The following LRP1B variants were observed in gnomAD, a reference collection of about 807,000 sequenced individuals.
LRP1B encodes low-density lipoprotein receptor-related protein 1B.
Under a neutral mutation model 556.6 loss-of-function variants are expected in LRP1B, and 217 were observed. The observed-to-expected ratio is 0.39, with a 90% CI of 0.35 to 0.44. The LOEUF (loss-of-function observed/expected upper bound fraction) is 0.44, where lower values mean the gene tolerates loss of function less well. LRP1B is among the 20% of genes least tolerant of loss of function. The pLI is 1.00. For synonymous variants in LRP1B, 2,047 were observed against 1,865.8 expected (o/e 1.10, Z -2.50); for missense variants, 5,053 against 5,620.8 (o/e 0.90, Z 3.23).
intron 11 of LRP1B, among the ~76,000 whole-genome samples, chr2:141,045,880 C>G (rs1698854460): frequency 6.6e-6 from 1 of 151,974 alleles, no homozygotes; most frequent in East Asian, 1.9e-4. Context: ...TAGTAAATAT[C>G]TCGTCTTTAT....
intron 77 of LRP1B, among the ~76,000 whole-genome samples, chr2:140,339,079 A>AG (rs1184901023): frequency 6.6e-6 from 1 of 151,782 alleles, no homozygotes; most frequent in Non-Finnish European, 1.5e-5. Flanking sequence ...CTAAATACAC[A>AG]GCCAGTTTTG....
At chr2:141,454,576 T>G (rs1411883901) in intron 3 of LRP1B, among the ~76,000 whole-genome samples, 1 of 152,152 alleles carries the variant, frequency 6.6e-6, no homozygotes, top group Non-Finnish European at 1.5e-5. Flanking sequence ...TGAAACATCA[T>G]TAATATTTAA....
intron 23 of LRP1B, chr2:140,898,686 A>C (rs1384267343): frequency 2.1e-6 from 1 of 469,228 alleles, no homozygotes; most frequent in Admixed American, 2.4e-5. Context: ...AATTCTAGAG[A>C]TGCTACGCCT....
At chr2:140,418,794 A>G (rs1054071944) in intron 66 of LRP1B, among the ~76,000 whole-genome samples, 2 of 152,114 alleles carry the variant, frequency 1.3e-5, no homozygotes, top group African/African-American at 4.8e-5. Flanking sequence ...AAGTGCACGA[A>G]AAATGTAATG....
chr2:140,558,771 CA>C (rs1163556045), intron 43 of LRP1B, among the ~76,000 whole-genome samples: 1 of 151,324 alleles, frequency 6.6e-6, no homozygotes, highest in Non-Finnish European at 1.5e-5. Context: ...ACAACCTCTA[CA>C]AAAAATACAA....
chr2:142,009,153 C>T (rs1239127898), intron 1 of LRP1B, among the ~76,000 whole-genome samples: 1 of 152,126 alleles, frequency 6.6e-6, no homozygotes, highest in Non-Finnish European at 1.5e-5. Flanking sequence ...GGGTATTTTC[C>T]TCAGCATCTC....
chr2:141,402,588 A>T (rs1424934529), intron 3 of LRP1B, among the ~76,000 whole-genome samples: 6 of 152,154 alleles, frequency 3.9e-5, no homozygotes, highest in African/African-American at 1.4e-4. Flanking sequence ...CTAAAAACAA[A>T]TGAAGACCAA....
chr2:141,204,913 G>C (rs530319946), intron 6 of LRP1B, among the ~76,000 whole-genome samples: 1 of 151,828 alleles, frequency 6.6e-6, no homozygotes, highest in African/African-American at 2.4e-5. Flanking sequence ...CCCTAGCCTG[G>C]GTGACAGAGC....
intron 7 of LRP1B, among the ~76,000 whole-genome samples, chr2:141,140,101 T>C (rs1701606259): frequency 6.6e-6 from 1 of 151,930 alleles, no homozygotes; most frequent in Non-Finnish European, 1.5e-5. Context: ...GAGTGTGTGC[T>C]GTATAATTCC....
chr2:140,511,454 T>A (rs141164173), intron 51 of LRP1B, among the ~76,000 whole-genome samples: 262 of 151,894 alleles, frequency 1.7e-3, no homozygotes, highest in Non-Finnish European at 3.0e-3. Flanking sequence ...GGCGCCCGCC[T>A]CCACGCCCGG....
intron 2 of LRP1B, among the ~76,000 whole-genome samples, chr2:141,808,409 C>T (rs1412458932): frequency 1.3e-5 from 2 of 152,010 alleles, no homozygotes; most frequent in Non-Finnish European, 2.9e-5. Flanking sequence ...TTCTAGATAC[C>T]ACTTGAAAAG....
In LRP1B at chr2:141,810,175, AAGAAAGAAAGAATCATCT is replaced by A; in HGVS notation, c.205+86_205+103del. On this transcript the variant is annotated intron_variant, in intron 2 of 90. Coordinates refer to ENST00000389484, the MANE Select transcript of LRP1B (RefSeq NM_018557.3). ...AAAGAAAGAAAGAAAGAAGGAAAGA[AAGAAAGAAAGAATCATCT>A]AGAACAGCAGTCATCTGTGAAAACA... 5 of 911,402 alleles carry A rather than the reference AAGAAAGAAAGAATCATCT, an allele frequency of 5.5e-6. No individual in the cohort carries two copies. In the South Asian group the frequency reaches 9.0e-5, roughly 16 times the overall value. 56.5% of individuals were successfully genotyped at this position (911,402 alleles called of 1,614,324 possible).
At chr2:141,245,661 T>C (rs1042057561) in intron 5 of LRP1B, among the ~76,000 whole-genome samples, 1 of 152,216 alleles carries the variant, frequency 6.6e-6, no homozygotes, top group African/African-American at 2.4e-5. Context: ...ATTATCTTAT[T>C]GTGACTAGTG....
At chr2:140,852,386 C>T (rs1692485817) in intron 27 of LRP1B, among the ~76,000 whole-genome samples, 1 of 152,100 alleles carries the variant, frequency 6.6e-6, no homozygotes, top group African/African-American at 2.4e-5. Flanking sequence ...TGAGGAGCAA[C>T]CAGGAATAAT....
At chr2:141,190,014 A>G (rs1033807131) in intron 6 of LRP1B, among the ~76,000 whole-genome samples, 8 of 151,982 alleles carry the variant, frequency 5.3e-5, no homozygotes, top group African/African-American at 1.9e-4. Context: ...TCATCAGACC[A>G]GAAAGATTAA....
chr2:141,212,249 A>ATTTTTTTTTTTT lies in LRP1B; in HGVS notation c.850+16922_850+16933dup, dbSNP rs59699046. On this transcript the variant is annotated intron_variant, in intron 6 of 90. Transcript: ENST00000389484. ...AAGATATATTGATCAAAAAGTCTAG[A>ATTTTTTTTTTTT]TTTTTTTTTTTTTTTTTTTTTTTTT... Among the ~76,000 whole-genome samples, 44 of 62,266 alleles carry ATTTTTTTTTTTT rather than the reference A, an allele frequency of 7.1e-4. 11 individuals carry two copies. Among genetic ancestry groups the ATTTTTTTTTTTT allele is most frequent in the Admixed American group, 1.3e-3 (6 of 4,562 alleles). The allele number at this position is 62,266 out of a possible 152,430, so 40.8% of individuals were successfully genotyped here.
At chr2:141,220,306 A>G (rs1682984330) in intron 6 of LRP1B, among the ~76,000 whole-genome samples, 2 of 152,182 alleles carry the variant, frequency 1.3e-5, no homozygotes, top group Non-Finnish European at 2.9e-5. Context: ...CAAATAGACC[A>G]AGGTGGAGGA....
chr2:141,713,376 G>C (rs1192873522), intron 2 of LRP1B, among the ~76,000 whole-genome samples: 1 of 152,104 alleles, frequency 6.6e-6, no homozygotes, highest in Non-Finnish European at 1.5e-5. Flanking sequence ...TTAATTCAGT[G>C]ACAAAGCTAT....
intron 1 of LRP1B, among the ~76,000 whole-genome samples, chr2:141,958,652 C>G (rs543775058): frequency 1.3e-4 from 19 of 151,962 alleles, no homozygotes; most frequent in Non-Finnish European, 2.4e-4. Flanking sequence ...TTCTGTTTGT[C>G]GTCTGTAAGG....
Sources: gnomAD v4.1 joint callset for allele counts (sites outside exome capture counted in the v4.1 genomes callset) on GRCh38, gnomAD v4.1.1 for gene constraint, MANE v1.5 for transcripts, NCBI Gene and HGNC (gene_info 2026-07-23, HGNC 2026-07-21) for gene names.